ROBO2: variants seen among roughly 807,000 people sequenced by gnomAD.
ROBO2 encodes the protein roundabout guidance receptor 2.
A neutral mutation model predicts 160.8 loss-of-function variants in ROBO2; 53 were observed. The ratio of observed to expected loss-of-function variants is 0.33; its 90% CI spans 0.26 to 0.41. ROBO2 has a LOEUF of 0.41. Among genes scored for constraint, ROBO2 ranks in the 10% least tolerant of loss-of-function variants. The pLI, the probability that ROBO2 is intolerant of heterozygous loss-of-function variation, is 1.00. For missense variants in ROBO2, 1,577 were observed against 1,722.4 expected (o/e 0.92, Z 1.49); for synonymous variants, 664 against 611.7 (o/e 1.09, Z -1.26).
intron 1 of ROBO2, among the ~76,000 whole-genome samples, chr3:77,044,303 C>T (rs2064403853): frequency 6.6e-6 from 1 of 152,040 alleles, no homozygotes. Flanking sequence ...ACATACATAG[C>T]AATGAAGGGA....
At position 75,955,486 on chromosome 3, in the gene ROBO2, T is replaced by C. The variant is rs111786442; in HGVS notation, c.109+17884T>C. Among the ~76,000 whole-genome samples, 949 of 151,444 alleles carry C rather than the reference T, an allele frequency of 6.3e-3. 11 individuals carry two copies. Among genetic ancestry groups the C allele is most frequent in the African/African-American group, 0.022 (918 of 41,324 alleles). On this transcript the variant is annotated intron_variant, in intron 2 of 26. Transcript: ENST00000487694. ...TGATTGTGAAAGTCTTAAAAGATAATGTTTAGGGGGGAGGGGAGGGATGGC... is the reference window on the plus strand; with the variant it reads ...TGATTGTGAAAGTCTTAAAAGATAACGTTTAGGGGGGAGGGGAGGGATGGC...
intron 2 of ROBO2, chr3:76,435,499 C>T (rs1472812331): frequency 9.1e-6 from 6 of 660,710 alleles, no homozygotes; most frequent in African/African-American, 1.8e-5. Context: ...TGGTTCTTTT[C>T]GCGATTTCCT....
chr3:77,251,405 T>A (rs552061440), intron 2 of ROBO2, among the ~76,000 whole-genome samples: 1 of 152,226 alleles, frequency 6.6e-6, no homozygotes, highest in African/African-American at 2.4e-5. Flanking sequence ...TCTAGGGCAG[T>A]GCAGGGCAGT....
At chr3:75,923,729 G>C (rs1236061449) in intron 1 of ROBO2, among the ~76,000 whole-genome samples, 1 of 152,160 alleles carries the variant, frequency 6.6e-6, no homozygotes, top group Non-Finnish European at 1.5e-5. Flanking sequence ...TAAAAAATAG[G>C]ACTTAATATA....
intron 4 of ROBO2, among the ~76,000 whole-genome samples, chr3:77,491,804 G>A (rs761593163): frequency 9.9e-5 from 15 of 151,942 alleles, no homozygotes; most frequent in Non-Finnish European, 1.9e-4. Context: ...CCCAGAGTAC[G>A]GATACTCTAG....
chr3:76,153,599 G>A (rs2072289281), intron 2 of ROBO2, among the ~76,000 whole-genome samples: 1 of 152,064 alleles, frequency 6.6e-6, no homozygotes, highest in Non-Finnish European at 1.5e-5. Flanking sequence ...TGTTTTAGTT[G>A]GGATGAGTAG....
intron 2 of ROBO2, among the ~76,000 whole-genome samples, chr3:76,441,952 G>A (rs2109127344): frequency 6.6e-6 from 1 of 152,308 alleles, no homozygotes; most frequent in South Asian, 2.1e-4. Context: ...GAGGAAGCAA[G>A]AAAGAAGAGA....
At chr3:76,558,222 C>T (rs895294320) in intron 2 of ROBO2, among the ~76,000 whole-genome samples, 6 of 151,966 alleles carry the variant, frequency 3.9e-5, no homozygotes, top group African/African-American at 1.4e-4. Context: ...TAATAGCTTT[C>T]CTAGGGTCTT....
chr3:77,587,408 G>A (rs1273492179), intron 16 of ROBO2, among the ~76,000 whole-genome samples: 2 of 152,118 alleles, frequency 1.3e-5, no homozygotes, highest in African/African-American at 4.8e-5. Flanking sequence ...AGGTAAACAA[G>A]TGAATTGAGA....
intron 2 of ROBO2, among the ~76,000 whole-genome samples, chr3:76,759,837 G>A (rs1455373018): frequency 6.6e-6 from 1 of 151,682 alleles, no homozygotes; most frequent in African/African-American, 2.4e-5. Context: ...ATTTGGAGCC[G>A]GTGGGATTCC....
At chr3:76,720,645 C>T (rs2093450559) in intron 2 of ROBO2, among the ~76,000 whole-genome samples, 1 of 152,184 alleles carries the variant, frequency 6.6e-6, no homozygotes, top group African/African-American at 2.4e-5. Flanking sequence ...AAGCTATAGA[C>T]TAGTGTATTA....
At chr3:77,129,976 G>C (rs1192014501) in intron 2 of ROBO2, among the ~76,000 whole-genome samples, 3 of 152,070 alleles carry the variant, frequency 2.0e-5, no homozygotes, top group African/African-American at 7.2e-5. Flanking sequence ...ACTTCTTGTT[G>C]CATAGAATAA....
chr3:76,410,203 G>A (rs143225705), intron 2 of ROBO2, among the ~76,000 whole-genome samples: 1 of 152,204 alleles, frequency 6.6e-6, no homozygotes, highest in East Asian at 1.9e-4. Context: ...GGCCCTAAGG[G>A]TTTAGCATCT....
At chr3:76,253,562 C>A (rs778960161) in intron 2 of ROBO2, among the ~76,000 whole-genome samples, 89 of 150,244 alleles carry the variant, frequency 5.9e-4, no homozygotes, top group Non-Finnish European at 1.1e-3. Flanking sequence ...CATGAGTCAC[C>A]AAACCTGGCC....
chr3:76,615,108 A>G (rs2088474770), intron 2 of ROBO2, among the ~76,000 whole-genome samples: 2 of 152,090 alleles, frequency 1.3e-5, no homozygotes, highest in African/African-American at 2.4e-5. Flanking sequence ...TGGTTTTTTG[A>G]TTTCACTACA....
intron 2 of ROBO2, among the ~76,000 whole-genome samples, chr3:77,299,036 A>G (rs999520079): frequency 2.6e-5 from 4 of 152,176 alleles, no homozygotes; most frequent in Non-Finnish European, 5.9e-5. Context: ...TAGAATTTAA[A>G]TTAGACATTG....
intron 2 of ROBO2, among the ~76,000 whole-genome samples, chr3:77,226,711 A>G (rs150031138): frequency 2.7e-4 from 41 of 152,248 alleles, no homozygotes; most frequent in African/African-American, 9.6e-4. Context: ...AGCTTAGTCT[A>G]TCTTAAACAT....
chr3:76,947,949 C>T (rs1468502854), intron 2 of ROBO2, among the ~76,000 whole-genome samples: 2 of 152,086 alleles, frequency 1.3e-5, no homozygotes, highest in Admixed American at 1.3e-4. Context: ...CATTTCTGTG[C>T]TCGCCATTAC....
At chr3:77,474,118 C>T (rs760794770) in intron 2 of ROBO2, among the ~76,000 whole-genome samples, 8 of 152,138 alleles carry the variant, frequency 5.3e-5, no homozygotes, top group Non-Finnish European at 1.0e-4. Flanking sequence ...CAAACCTGGG[C>T]AAACTTTCGT....
Sources: gnomAD v4.1 joint callset for allele counts (sites outside exome capture counted in the v4.1 genomes callset) on GRCh38, gnomAD v4.1.1 for gene constraint, MANE v1.5 for transcripts, NCBI Gene and HGNC (gene_info 2026-07-23, HGNC 2026-07-21) for gene names.